The following GPSM1 variants were observed in gnomAD, a reference collection of about 807,000 sequenced individuals.
The protein encoded by GPSM1 is G protein signaling modulator 1.
GPSM1 carries 48 observed loss-of-function variants against 70.5 expected under a neutral mutation model. The ratio of observed to expected loss-of-function variants is 0.68; its 90% confidence interval spans 0.54 to 0.87. GPSM1 has a LOEUF of 0.87. GPSM1 is among the 40% of genes least tolerant of loss of function. The pLI is 0.00. For missense variants in GPSM1, 981 were observed against 972.6 expected, an observed-to-expected ratio of 1.01 and a Z score of -0.11; for synonymous variants, 416 against 430.1, an observed-to-expected ratio of 0.97 and a Z score of 0.41.
At chr9:136,333,594 AC>A (rs1248380586) in intron 1 of GPSM1, among the ~76,000 whole-genome samples, 3 of 152,180 alleles carry the variant, frequency 2.0e-5, no homozygotes, top group African/African-American at 7.2e-5. Context: ...GTGGGGGACC[AC>A]GGCCAAGCAG....
rs1283369501 is a variant in GPSM1 at position 136,359,456 on chromosome 9, T to G, written c.*1236T>G. On this transcript the variant is annotated 3_prime_UTR_variant, in exon 14 of 14. Coordinates refer to ENST00000440944, the MANE Select transcript of GPSM1 (RefSeq NM_001145638.3). ...GGGACAGGTGCCCGAACACAGGGTC[T>G]CCAGGACGTAGCGCCCCCCCGCATA... The G allele has an allele frequency of 6.6e-6, 1 of 152,296 alleles. No individual in the cohort carries two copies. The highest frequency in any genetic ancestry group is 1.5e-5 in the Non-Finnish European group (1 of 68,036). 9.4% of individuals were successfully genotyped at this position (152,296 alleles called of 1,614,324 possible). A position where few individuals can be genotyped will look rare whatever the true frequency, so the allele number is the denominator to read the frequency against.
At chr9:136,357,942 C>A in intron 13 of GPSM1, 72 bp from the exon 14 acceptor site, 1 of 1,237,082 alleles carries the variant, frequency 8.1e-7, no homozygotes, top group Non-Finnish European at 1.2e-6. Context: ...CCTCTGGAAC[C>A]ACCGCTGCTG....
intron 9 of GPSM1, among the ~76,000 whole-genome samples, chr9:136,345,130 G>A (rs983350403): frequency 1.3e-4 from 20 of 152,216 alleles, no homozygotes; most frequent in Non-Finnish European, 2.1e-4. Flanking sequence ...GAGCCAAGCC[G>A]GCGGGGCGGG....
Position 136,340,783 on chromosome 9 carries a change from G to A in GPSM1, c.1084-87G>A. On this transcript the variant is annotated intron_variant, in intron 8 of 13. Transcript: ENST00000440944. This position sits in a 1 kb window ranked among gnomAD's most constrained non-coding sequence, Gnocchi z 7.3. ...AGGTCACTCAGAAGGTCAGGGACGG[G>A]TGTACTGGGGGCCATTAAGGTCCCC... is the stretch of plus-strand genomic sequence containing the variant. 1 of 1,470,862 alleles carries A rather than the reference G, an allele frequency of 6.8e-7. No individual in the cohort carries two copies. Among genetic ancestry groups the A allele is most frequent in the Non-Finnish European group, 9.0e-7 (1 of 1,113,692 alleles). 91.1% of individuals were successfully genotyped at this position (1,470,862 alleles called of 1,614,324 possible).
In GPSM1 at chr9:136,352,111, A is replaced by ATAC. The variant is rs1564355154; in HGVS notation, c.1455+2349_1455+2350insACT. 7.4e-5 allele frequency among the ~76,000 whole-genome samples: 11 copies of ATAC among 148,312 alleles called. 4 individuals are homozygous for ATAC. Among genetic ancestry groups the ATAC allele is most frequent in the Non-Finnish European group, 1.3e-4 (9 of 67,058 alleles). On this transcript the variant is annotated intron_variant, in intron 11 of 13. Coordinates refer to ENST00000440944, the MANE Select transcript of GPSM1 (RefSeq NM_001145638.3). ...TGCGCCGTTGCTGTTGGTGACACCA[A>ATAC]TGCTGCGCCGTTGCTGTTGGTGACA...
Position 136,343,383 on chromosome 9 carries a change from C to A in GPSM1, c.1207+2390C>A, listed in dbSNP as rs560315413. 6.6e-6 allele frequency among the ~76,000 whole-genome samples: 1 copy of A among 152,324 alleles called. No homozygotes were observed. Among genetic ancestry groups the A allele is most frequent in the African/African-American group, 2.4e-5 (1 of 41,564 alleles). On this transcript the variant is annotated intron_variant, in intron 9 of 13. Transcript: ENST00000440944. The surrounding 1 kb of genome is among the most constrained non-coding windows in gnomAD (Gnocchi z 6.0). ...CTGAGCCCTGCAGGACCGCCCCCTG[C>A]CCTTGGCCTGTCCCCGATGGCCCTG... is the stretch of plus-strand genomic sequence containing the variant.
intron 9 of GPSM1, among the ~76,000 whole-genome samples, chr9:136,348,360 A>G (rs1832574422): frequency 6.6e-6 from 1 of 152,212 alleles, no homozygotes; most frequent in South Asian, 2.1e-4. Context: ...AGGGTGATCC[A>G]GGCAGAGGGA....
chr9:136,341,837 G>T lies in GPSM1; in HGVS notation c.1207+844G>T. ...TTTAATAATTAAATGTTTTTATAGA[G>T]ATAGGGCCTCACTATGTTGCCCAGG... On this transcript the variant is annotated intron_variant, in intron 9 of 13. Transcript: ENST00000440944. The surrounding 1 kb of genome is among the most constrained non-coding windows in gnomAD (Gnocchi z 6.7). 2.2e-6 allele frequency: 2 copies of T among 925,656 alleles called. No individual in the cohort carries two copies. The highest frequency in any genetic ancestry group is 2.6e-6 in the Non-Finnish European group (2 of 775,332). 57.3% of individuals were successfully genotyped at this position (925,656 alleles called of 1,614,324 possible).
At chr9:136,336,640 TG>T (rs1247368248) in intron 3 of GPSM1, among the ~76,000 whole-genome samples, 1 of 152,210 alleles carries the variant, frequency 6.6e-6, no homozygotes, top group Non-Finnish European at 1.5e-5. Context: ...TGGTCCCAGC[TG>T]GAGCTTTCAG....
intron 9 of GPSM1, among the ~76,000 whole-genome samples, chr9:136,344,214 TG>T (rs1832464706): frequency 2.3e-4 from 5 of 22,104 alleles, no homozygotes; most frequent in African/African-American, 7.1e-4. Context: ...AGGAGCGGGG[TG>T]GGGGCGCGGA....
chr9:136,328,902 C>T (rs982395087), intron 1 of GPSM1, among the ~76,000 whole-genome samples: 6 of 152,168 alleles, frequency 3.9e-5, no homozygotes, highest in Non-Finnish European at 7.4e-5. Context: ...TGTGCAGGGC[C>T]GCATGTGCTC....
chr9:136,352,591 A>G (rs1255169099), intron 11 of GPSM1, among the ~76,000 whole-genome samples: 1 of 152,194 alleles, frequency 6.6e-6, no homozygotes, highest in Admixed American at 6.5e-5. Context: ...GAGGCCCTTG[A>G]GCCAGGGCAC....
chr9:136,342,293 C>T lies in GPSM1; in HGVS notation c.1207+1300C>T, dbSNP rs1832410399. Among the ~76,000 whole-genome samples the T allele has an allele frequency of 6.6e-6, 1 of 152,152 alleles. No individual in the cohort carries two copies. The highest frequency in any genetic ancestry group is 1.5e-5 in the Non-Finnish European group (1 of 68,010). The stretch of plus-strand genomic sequence containing the variant: ...CATCTGGGACCCCAGCAGCAACTGG[C>T]AGCAGGGCTGGGAGCAGCTCTGGAA... On this transcript the variant is annotated intron_variant, in intron 9 of 13. Transcript: ENST00000440944. This position sits in a 1 kb window ranked among gnomAD's most constrained non-coding sequence, Gnocchi z 5.5.
At position 136,355,675 on chromosome 9, in the gene GPSM1, C is replaced by T. The variant is rs1336449048; in HGVS notation, c.1456-15C>T. On this transcript the variant is annotated splice_polypyrimidine_tract_variant and intron_variant, in intron 11 of 13. Transcript: ENST00000440944. Reference sequence around the variant, plus strand: ...GGGGCTAGCTTTGGCTGCGGTGACCCCACTCCCTCCCCAGAGCATCCCGAG... The same window carrying T: ...GGGGCTAGCTTTGGCTGCGGTGACCTCACTCCCTCCCCAGAGCATCCCGAG... 3.1e-6 allele frequency: 5 copies of T among 1,609,994 alleles called. No individual in the cohort carries two copies. Among genetic ancestry groups the T allele is most frequent in the Non-Finnish European group, 4.2e-6 (5 of 1,178,272 alleles).
Position 136,327,780 on chromosome 9 carries a change from CCG to C in GPSM1, c.68+18_68+19del. 1.9e-6 allele frequency: 2 copies of C among 1,036,664 alleles called. No homozygotes were observed. The highest frequency in any genetic ancestry group is 2.4e-6 in the Non-Finnish European group (2 of 823,930). The allele number at this position is 1,036,664 out of a possible 1,614,324, so 64.2% of individuals were successfully genotyped here. ...CTACTCCAGGTAGGACGGGCCGGGG[CCG>C]GGGCCGGGGCCGGGGCTGGGACCGG... is the stretch of plus-strand genomic sequence containing the variant. On this transcript the variant is annotated intron_variant, in intron 1 of 13. Transcript: ENST00000440944.
chr9:136,347,610 C>T (rs782027551), intron 9 of GPSM1, among the ~76,000 whole-genome samples: 26 of 152,220 alleles, frequency 1.7e-4, no homozygotes, highest in Non-Finnish European at 2.6e-4. Flanking sequence ...TGCCCCTGTC[C>T]GTCCCGCCGC....
chr9:136,339,706 G>A lies in GPSM1; in HGVS notation c.975-1G>A, dbSNP rs1554769857. On this transcript the variant is annotated splice_acceptor_variant, in intron 7 of 13. Coordinates refer to ENST00000440944, the MANE Select transcript of GPSM1 (RefSeq NM_001145638.3). LOFTEE classifies it high-confidence loss of function. ...ATGAATCTGGTCTCCCTCTCTGGCAGAGTGGGCGAGGGCCGGGCGTGCTGG... is the reference window on the plus strand; with the variant it reads ...ATGAATCTGGTCTCCCTCTCTGGCAAAGTGGGCGAGGGCCGGGCGTGCTGG... 1 of 1,547,416 alleles carries A rather than the reference G, an allele frequency of 6.5e-7. No homozygotes were observed. The highest frequency in any genetic ancestry group is 2.0e-5 in the Admixed American group (1 of 50,998).
At chr9:136,337,098 G>A (rs1554769384) in intron 4 of GPSM1, 26 bp downstream of exon 4, 1 of 1,531,832 alleles carries the variant, frequency 6.5e-7, no homozygotes, top group East Asian at 2.4e-5. Flanking sequence ...CCAGCCCAGG[G>A]ACCGGGGCTG....
intron 1 of GPSM1, among the ~76,000 whole-genome samples, chr9:136,332,839 C>CAAAA (rs150554566): frequency 7.6e-5 from 5 of 66,086 alleles, no homozygotes; most frequent in Non-Finnish European, 1.3e-4. Context: ...CCATCTCTAC[C>CAAAA]AAAAAAAAAA....
Sources: gnomAD v4.1 joint callset for allele counts (sites outside exome capture counted in the v4.1 genomes callset) on GRCh38, gnomAD v4.1.1 for gene constraint, Gnocchi (gnomAD v3.1) non-coding constraint, MANE v1.5 for transcripts, NCBI Gene and HGNC (gene_info 2026-07-23, HGNC 2026-07-21) for gene names.